The following SPATS2L variants were observed in gnomAD, a reference collection of about 807,000 sequenced individuals.
SPATS2L encodes the protein SPATS2-like protein.
Under a neutral mutation model 59.6 loss-of-function variants are expected in SPATS2L, and 30 were observed. The observed-to-expected ratio is 0.50, with a 90% CI of 0.38 to 0.68. The LOEUF (loss-of-function observed/expected upper bound fraction) is 0.68. Ranked by LOEUF, SPATS2L falls within the 30% of genes least tolerant of loss-of-function variation. The pLI is 0.00. For missense variants in SPATS2L, 615 were observed against 700.0 expected (o/e 0.88, Z 1.37); for synonymous variants, 252 against 263.5 (o/e 0.96, Z 0.42).
rs1247083185 is a variant in SPATS2L at position 200,481,780 on chromosome 2, A to C, written c.*3749A>C. 2 of 152,164 alleles carry C rather than the reference A, an allele frequency of 1.3e-5. No homozygotes were observed. Among genetic ancestry groups the C allele is most frequent in the Admixed American group, 6.5e-5 (1 of 15,274 alleles). The allele number at this position is 152,164 out of a possible 1,614,324, so 9.4% of individuals were successfully genotyped here. A position where few individuals can be genotyped will look rare whatever the true frequency, so the allele number is the denominator to read the frequency against. On this transcript the variant is annotated 3_prime_UTR_variant, in exon 13 of 13. Transcript: ENST00000409140. The stretch of plus-strand genomic sequence containing the variant: ...ACTGCAAGCTCCGCCTCCCGGGTTC[A>C]CGCCATTCTCCTGCCTCAGCCTCCC...
intron 2 of SPATS2L, among the ~76,000 whole-genome samples, chr2:200,378,621 ATTAAAT>A: frequency 6.6e-6 from 1 of 152,364 alleles, no homozygotes; most frequent in African/African-American, 2.4e-5. Flanking sequence ...TGAGAAAATT[ATTAAAT>A]GTTTACTAGG....
chr2:200,457,126 A>G (rs537972873), intron 8 of SPATS2L, among the ~76,000 whole-genome samples: 2 of 152,146 alleles, frequency 1.3e-5, no homozygotes, highest in East Asian at 1.9e-4. Context: ...GATTCTCCCC[A>G]TATCTCCCCA....
At chr2:200,353,265 A>G (rs2080801123) in intron 2 of SPATS2L, among the ~76,000 whole-genome samples, 1 of 152,234 alleles carries the variant, frequency 6.6e-6, no homozygotes, top group African/African-American at 2.4e-5. Flanking sequence ...AAACTTTCCT[A>G]AAACAGCTTG....
chr2:200,369,238 A>G (rs886363717), intron 2 of SPATS2L, among the ~76,000 whole-genome samples: 5 of 152,180 alleles, frequency 3.3e-5, no homozygotes, highest in African/African-American at 1.2e-4. Context: ...AGCCCACTGC[A>G]GCCTCTGCCT....
chr2:200,333,097 A>G (rs1057481223), intron 2 of SPATS2L, among the ~76,000 whole-genome samples: 8 of 151,770 alleles, frequency 5.3e-5, no homozygotes, highest in Non-Finnish European at 5.9e-5. Context: ...CCTGGGCAAC[A>G]TGGTGAATCT....
intron 2 of SPATS2L, among the ~76,000 whole-genome samples, chr2:200,378,868 C>A (rs533428939): frequency 2.0e-5 from 3 of 152,158 alleles, no homozygotes; most frequent in Non-Finnish European, 4.4e-5. Flanking sequence ...TCCATGTTTT[C>A]TTTGGACGTG....
chr2:200,420,106 TGCTATA>T (rs958555107), intron 6 of SPATS2L, among the ~76,000 whole-genome samples: 1 of 152,168 alleles, frequency 6.6e-6, no homozygotes, highest in Non-Finnish European at 1.5e-5. Context: ...TAATTATTTG[TGCTATA>T]GCTATATATT....
chr2:200,449,975 C>A (rs567214482), intron 8 of SPATS2L, among the ~76,000 whole-genome samples: 2 of 152,258 alleles, frequency 1.3e-5, no homozygotes, highest in African/African-American at 4.8e-5. Flanking sequence ...TGACTCTAAA[C>A]TCTTGATTCT....
At chr2:200,407,748 T>G (rs771772562) in intron 3 of SPATS2L, among the ~76,000 whole-genome samples, 98 of 152,330 alleles carry the variant, frequency 6.4e-4, no homozygotes, top group Non-Finnish European at 1.1e-3. Context: ...ATGTTCTCCC[T>G]ACCCATATTA....
At chr2:200,330,106 T>C (rs1489568898) in intron 2 of SPATS2L, among the ~76,000 whole-genome samples, 2 of 110,492 alleles carry the variant, frequency 1.8e-5, no homozygotes. Flanking sequence ...GGTTTCCTCT[T>C]CTTTAAGATG....
At chr2:200,349,502 A>G (rs1252925482) in intron 2 of SPATS2L, among the ~76,000 whole-genome samples, 1 of 152,180 alleles carries the variant, frequency 6.6e-6, no homozygotes, top group Non-Finnish European at 1.5e-5. Context: ...GCCGAATGTG[A>G]TGGCACATGC....
intron 10 of SPATS2L, among the ~76,000 whole-genome samples, chr2:200,468,798 A>G (rs2086813150): frequency 6.6e-6 from 1 of 152,242 alleles, no homozygotes; most frequent in South Asian, 2.1e-4. Flanking sequence ...CTGGACTTCA[A>G]TATATGTTCC....
At chr2:200,325,540 G>A (rs1393130306) in intron 1 of SPATS2L, among the ~76,000 whole-genome samples, 1 of 152,048 alleles carries the variant, frequency 6.6e-6, no homozygotes, top group African/African-American at 2.4e-5. Flanking sequence ...CACCACGCCT[G>A]GCTAATTTTT....
chr2:200,382,165 A>G (rs914329167), intron 2 of SPATS2L, among the ~76,000 whole-genome samples: 1 of 152,032 alleles, frequency 6.6e-6, no homozygotes, highest in African/African-American at 2.4e-5. Context: ...GGTTCAAGCA[A>G]TTCTCCTGTC....
intron 2 of SPATS2L, among the ~76,000 whole-genome samples, chr2:200,361,901 T>G (rs1456579247): frequency 6.6e-6 from 1 of 152,168 alleles, no homozygotes; most frequent in South Asian, 2.1e-4. Context: ...TATTAGGACA[T>G]TTATACATAA....
At chr2:200,477,516 A>C in intron 12 of SPATS2L, 120 bp from the exon 13 acceptor site, 1 of 27,746 alleles carries the variant, frequency 3.6e-5, no homozygotes, top group Non-Finnish European at 9.1e-5. Flanking sequence ...TCTGGTGTAT[A>C]AAAAAAAAAA....
chr2:200,455,067 C>G (rs1285198670), intron 8 of SPATS2L, among the ~76,000 whole-genome samples: 1 of 152,140 alleles, frequency 6.6e-6, no homozygotes, highest in Non-Finnish European at 1.5e-5. Flanking sequence ...AAGCTTATGT[C>G]TCCAATGATT....
chr2:200,412,343 A>G lies in SPATS2L; in HGVS notation c.72A>G (p.Lys24=). 6.2e-7 allele frequency: 1 copy of G among 1,606,644 alleles called. No individual in the cohort carries two copies. Among genetic ancestry groups the G allele is most frequent in the Non-Finnish European group, 8.5e-7 (1 of 1,176,246 alleles). Residue 24 remains lysine (K), a synonymous_variant, in exon 4 of 13, where the codon AAA becomes AAG. Transcript: ENST00000409140. ...CAGTTAGATCAGTTGTTCCCAACAA[A>G]AGCAATAATGAAATAGTCCTGGTGC... ...IYAVRSVVPN[K]SNNEIVLVLQ...
chr2:200,324,501 T>C lies in SPATS2L; in HGVS notation c.-72-4930T>C, dbSNP rs2079667604. On this transcript the variant is annotated intron_variant, in intron 1 of 12. Transcript: ENST00000409140. ...TATTCTGAATTTCCCTTCTTTGCTT[T>C]GGTACCAAAGCTTTCATTGAGCTCA... Among the ~76,000 whole-genome samples, 3 of 152,312 alleles carry C rather than the reference T, an allele frequency of 2.0e-5. No homozygotes were observed. In the South Asian group the frequency reaches 6.2e-4, roughly 32 times the overall value.
Sources: allele counts gnomAD v4.1 joint callset (sites outside exome capture counted in the v4.1 genomes callset), GRCh38; gene constraint gnomAD v4.1.1; transcripts MANE v1.5; gene names NCBI Gene and HGNC (gene_info 2026-07-23, HGNC 2026-07-21).